Variants in C13orf42 observed in about 807,000 individuals in gnomAD.
C13orf42 encodes the protein chromosome 13 open reading frame 42, also known as uncharacterized protein C13orf42.
At chr13:51,094,457 T>C (rs1205833523) in intron 1 of C13orf42, among the ~76,000 whole-genome samples, 2 of 152,242 alleles carry the variant, frequency 1.3e-5, no homozygotes, top group African/African-American at 4.8e-5. Context: ...TCACTTTTAA[T>C]TATGTTGTAA....
chr13:51,152,433 G>C (rs759760154), intron 1 of C13orf42, among the ~76,000 whole-genome samples: 1 of 152,142 alleles, frequency 6.6e-6, no homozygotes, highest in Non-Finnish European at 1.5e-5. Flanking sequence ...CTGCAGCCCT[G>C]ACCTCCTGGG....
chr13:51,090,126 G>A (rs1172275704), intron 1 of C13orf42, among the ~76,000 whole-genome samples: 1 of 152,090 alleles, frequency 6.6e-6, no homozygotes, highest in Admixed American at 6.5e-5. Flanking sequence ...CCTTCTTGAA[G>A]GCAGGTGACA....
intron 1 of C13orf42, among the ~76,000 whole-genome samples, chr13:51,102,651 T>G (rs1051371583): frequency 6.6e-6 from 1 of 152,194 alleles, no homozygotes; most frequent in African/African-American, 2.4e-5. Context: ...TCCAAGCTAC[T>G]CAGGGATCCA....
At chr13:51,136,813 T>C (rs1338913623) in intron 1 of C13orf42, among the ~76,000 whole-genome samples, 1 of 152,206 alleles carries the variant, frequency 6.6e-6, no homozygotes, top group African/African-American at 2.4e-5. Context: ...TGAGGATGCA[T>C]TCACGCATTG....
chr13:51,165,305 C>T (rs755232680), intron 1 of C13orf42, among the ~76,000 whole-genome samples: 1 of 152,210 alleles, frequency 6.6e-6, no homozygotes, highest in South Asian at 2.1e-4. Context: ...CTTCTTCTAG[C>T]CCCTTCAGGC....
chr13:51,095,496 T>C (rs151307960), intron 1 of C13orf42, among the ~76,000 whole-genome samples: 1 of 152,310 alleles, frequency 6.6e-6, no homozygotes, highest in African/African-American at 2.4e-5. Context: ...TGTTGTCCCA[T>C]AGTTCTTGGA....
chr13:51,137,724 A>AT (rs1953668456), intron 1 of C13orf42, among the ~76,000 whole-genome samples: 1 of 152,200 alleles, frequency 6.6e-6, no homozygotes. Context: ...TTACAAAACT[A>AT]GTATGTATCC....
At chr13:51,114,043 C>A (rs1231441085), upstream of C13orf42, among the ~76,000 whole-genome samples, 1 of 152,172 alleles carries the variant, frequency 6.6e-6, no homozygotes, top group African/African-American at 2.4e-5. Context: ...AGTGCAGAAC[C>A]CCAGAGTGAT....
intron 1 of C13orf42, among the ~76,000 whole-genome samples, chr13:51,118,355 C>A (rs1007151722): frequency 1.4e-4 from 21 of 152,228 alleles, no homozygotes; most frequent in African/African-American, 4.8e-4. Flanking sequence ...CCACAACAGT[C>A]CTCCAGAAGA....
At chr13:51,160,059 T>G (rs1421926886) in intron 1 of C13orf42, among the ~76,000 whole-genome samples, 1 of 152,206 alleles carries the variant, frequency 6.6e-6, no homozygotes, top group African/African-American at 2.4e-5. Flanking sequence ...CTGGCTCCCA[T>G]GATTCAATTA....
intron 1 of C13orf42, among the ~76,000 whole-genome samples, chr13:51,131,228 T>C (rs1248358288): frequency 6.6e-6 from 1 of 152,232 alleles, no homozygotes. Context: ...CTCTACCTGA[T>C]TCCTCCAGAA....
At chr13:51,086,326 A>G (rs1189326333) in intron 2 of C13orf42, among the ~76,000 whole-genome samples, 1 of 145,052 alleles carries the variant, frequency 6.9e-6, no homozygotes, top group Non-Finnish European at 1.5e-5. Flanking sequence ...ACAAAAAAAA[A>G]CAAAAAAAAA....
At chr13:51,157,063 G>A (rs1054038362) in intron 1 of C13orf42, among the ~76,000 whole-genome samples, 9 of 152,252 alleles carry the variant, frequency 5.9e-5, no homozygotes, top group Non-Finnish European at 1.0e-4. Context: ...CAGCTCCAGT[G>A]TTATATGTGC....
chr13:51,139,454 G>C (rs4942955), intron 1 of C13orf42, among the ~76,000 whole-genome samples: 93,756 of 152,036 alleles, frequency 0.62, 29,213 homozygotes, highest in African/African-American at 0.7. Context: ...ATTTGGACCA[G>C]AGCAACTCCA....
Position 51,087,829 on chromosome 13 carries a change from A to G in C13orf42, c.562+99T>C, listed in dbSNP as rs564108083. On this transcript the variant is annotated intron_variant, in intron 2 of 3. Transcript: ENST00000563710. ...AGGGAGGTGGGATTCCTGATGGCCT[A>G]TTCTATAAGTCCACCCCAGAGCCCC... The G allele has an allele frequency of 2.2e-4, 89 of 396,836 alleles. 1 individual carries two copies. Among genetic ancestry groups the G allele is most frequent in the African/African-American group, 1.6e-3 (80 of 48,674 alleles). The allele number at this position is 396,836 out of a possible 1,614,324, so 24.6% of individuals were successfully genotyped here.
intron 1 of C13orf42, among the ~76,000 whole-genome samples, chr13:51,146,210 C>A (rs1953733912): frequency 6.6e-6 from 1 of 151,862 alleles, no homozygotes; most frequent in African/African-American, 2.4e-5. Flanking sequence ...TATTTTGGAA[C>A]ACCCCCAAGC....
Position 51,083,692 on chromosome 13 carries a change from C to T in C13orf42, c.*459G>A, listed in dbSNP as rs570129345. On this transcript the variant is annotated 3_prime_UTR_variant, in exon 4 of 4. Coordinates refer to ENST00000563710, the MANE Select transcript of C13orf42 (RefSeq NM_001351589.3). ...ACAAGACGGCAACCTCAGTGCAGAT[C>T]CAGCATGTCTCTGAGCCTCATAGAA... is the stretch of plus-strand genomic sequence containing the variant. 1 of 153,124 alleles carries T rather than the reference C, an allele frequency of 6.5e-6. No individual in the cohort carries two copies. Among genetic ancestry groups the T allele is most frequent in the South Asian group, 2.1e-4 (1 of 4,834 alleles). The allele number at this position is 153,124 out of a possible 1,614,324, so 9.5% of individuals were successfully genotyped here. A position where few individuals can be genotyped will look rare whatever the true frequency, so the allele number is the denominator to read the frequency against.
chr13:51,145,137 TTC>T (rs202010831), intron 1 of C13orf42, among the ~76,000 whole-genome samples: 1 of 114,344 alleles, frequency 8.7e-6, no homozygotes, highest in Non-Finnish European at 1.9e-5. Flanking sequence ...TCAATTTTTT[TTC>T]CTTCTCTTTT....
At chr13:51,135,054 C>G (rs1384804850) in intron 1 of C13orf42, among the ~76,000 whole-genome samples, 1 of 152,204 alleles carries the variant, frequency 6.6e-6, no homozygotes, top group African/African-American at 2.4e-5. Flanking sequence ...GGGCAAAGCT[C>G]ACCCAACCTC....
Sources: allele counts gnomAD v4.1 joint callset (sites outside exome capture counted in the v4.1 genomes callset), GRCh38; gene constraint gnomAD v4.1.1; transcripts MANE v1.5; gene names NCBI Gene and HGNC (gene_info 2026-07-23, HGNC 2026-07-21).